Variants in PDE3A observed in about 807,000 individuals in gnomAD.
PDE3A encodes phosphodiesterase 3A, also known as cGMP-inhibited 3',5'-cyclic phosphodiesterase 3A.
Under a neutral mutation model 98.3 loss-of-function variants are expected in PDE3A, and 43 were observed. The observed-to-expected ratio is 0.44, with a 90% confidence interval of 0.34 to 0.56. PDE3A has a LOEUF of 0.56. PDE3A is among the 20% of genes least tolerant of loss of function. The probability of loss-of-function intolerance (pLI) is 0.01; values close to 1 mark genes in which losing one functional copy is unlikely to be tolerated. For synonymous variants in PDE3A, 663 were observed against 567.9 expected (o/e 1.17, Z -2.38); for missense variants, 1,427 against 1,440.7 (o/e 0.99, Z 0.15).
chr12:20,643,914 A>T (rs1034228545), intron 10 of PDE3A, among the ~76,000 whole-genome samples: 1 of 151,730 alleles, frequency 6.6e-6, no homozygotes, highest in Non-Finnish European at 1.5e-5. Context: ...GCTCAAAAGG[A>T]TTAGAGCTCA....
chr12:20,685,990 A>C lies in PDE3A; in HGVS notation c.*5719A>C, dbSNP rs2120529225. On this transcript the variant is annotated 3_prime_UTR_variant, in exon 16 of 16. Coordinates refer to ENST00000359062, the MANE Select transcript of PDE3A (RefSeq NM_000921.5). ...TTTAATTTTTTAATTTTTAACTTAAAATGAAACCCACAAAATGACATTCCG... is the reference window on the plus strand; with the variant it reads ...TTTAATTTTTTAATTTTTAACTTAACATGAAACCCACAAAATGACATTCCG... Among the ~76,000 whole-genome samples the C allele has an allele frequency of 6.6e-6, 1 of 152,280 alleles. No homozygotes were observed. The highest frequency in any genetic ancestry group is 1.5e-5 in the Non-Finnish European group (1 of 68,008).
chr12:20,412,505 T>C (rs1470542146), intron 1 of PDE3A, among the ~76,000 whole-genome samples: 3 of 152,128 alleles, frequency 2.0e-5, no homozygotes, highest in African/African-American at 7.2e-5. Context: ...AGTTAATGTA[T>C]CCATAGGCAA....
At chr12:20,370,924 G>A (rs1044407760) in intron 1 of PDE3A, among the ~76,000 whole-genome samples, 3 of 152,204 alleles carry the variant, frequency 2.0e-5, no homozygotes, top group Non-Finnish European at 4.4e-5. Flanking sequence ...GGAATAATAT[G>A]TCTGAACTTT....
intron 1 of PDE3A, among the ~76,000 whole-genome samples, chr12:20,457,082 A>AAAAC (rs148910225): frequency 6.6e-6 from 1 of 151,662 alleles, no homozygotes; most frequent in Non-Finnish European, 1.5e-5. Flanking sequence ...AAAACCACAT[A>AAAAC]AAACAAACAA....
At chr12:20,520,616 T>A (rs1946403310) in intron 1 of PDE3A, among the ~76,000 whole-genome samples, 1 of 152,236 alleles carries the variant, frequency 6.6e-6, no homozygotes, top group Non-Finnish European at 1.5e-5. Context: ...TTTTACTGTA[T>A]GCTTATGAAA....
At chr12:20,443,722 A>G (rs909939922) in intron 1 of PDE3A, among the ~76,000 whole-genome samples, 1 of 152,078 alleles carries the variant, frequency 6.6e-6, no homozygotes, top group African/African-American at 2.4e-5. Flanking sequence ...ATCATAAAAA[A>G]CCCTACTTCC....
At chr12:20,578,537 AT>A (rs1162415539) in intron 2 of PDE3A, among the ~76,000 whole-genome samples, 2 of 152,040 alleles carry the variant, frequency 1.3e-5, no homozygotes, top group African/African-American at 4.8e-5. Context: ...CAGGTGGAAA[AT>A]AGGATCATCA....
At chr12:20,376,853 G>T (rs1195170845) in intron 1 of PDE3A, among the ~76,000 whole-genome samples, 1 of 151,762 alleles carries the variant, frequency 6.6e-6, no homozygotes, top group Non-Finnish European at 1.5e-5. Flanking sequence ...AAGATGGAAA[G>T]CTATTTGAGA....
intron 2 of PDE3A, among the ~76,000 whole-genome samples, chr12:20,557,802 G>T (rs1217181433): frequency 6.6e-6 from 1 of 152,030 alleles, no homozygotes; most frequent in Admixed American, 6.6e-5. Context: ...TCATCTAAAA[G>T]AATTTATGCC....
chr12:20,501,028 A>G lies in PDE3A; in HGVS notation c.961-55632A>G, dbSNP rs574444978. Among the ~76,000 whole-genome samples, 8 of 152,278 alleles carry G rather than the reference A, an allele frequency of 5.3e-5. No homozygotes were observed. In the South Asian group the frequency reaches 1.7e-3, roughly 32 times the overall value. On this transcript the variant is annotated intron_variant, in intron 1 of 15. Coordinates refer to ENST00000359062, the MANE Select transcript of PDE3A (RefSeq NM_000921.5). ...AGCAATCTGCCCACCTCGGTCTCCCAAAGTGCTAGAATTATAGGCATGAGC... is the reference window on the plus strand; with the variant it reads ...AGCAATCTGCCCACCTCGGTCTCCCGAAGTGCTAGAATTATAGGCATGAGC...
chr12:20,392,104 AT>A (rs1943927903), intron 1 of PDE3A, among the ~76,000 whole-genome samples: 1 of 151,890 alleles, frequency 6.6e-6, no homozygotes, highest in African/African-American at 2.4e-5. Context: ...ATAGATGTAT[AT>A]TTTGTTTGTA....
At chr12:20,580,850 A>C (rs1461558652) in intron 2 of PDE3A, among the ~76,000 whole-genome samples, 1 of 152,216 alleles carries the variant, frequency 6.6e-6, no homozygotes, top group Non-Finnish European at 1.5e-5. Context: ...AGCGTTTCCT[A>C]GAAGTGACAG....
At chr12:20,481,764 A>ATT (rs10657239) in intron 1 of PDE3A, among the ~76,000 whole-genome samples, 3,078 of 79,384 alleles carry the variant, frequency 0.039, 406 homozygotes, top group Non-Finnish European at 0.053. Context: ...TGGGAAATAG[A>ATT]TTTTTTTTTT....
At chr12:20,533,543 G>A (rs565371328) in intron 1 of PDE3A, among the ~76,000 whole-genome samples, 4 of 149,136 alleles carry the variant, frequency 2.7e-5, no homozygotes, top group Admixed American at 2.0e-4. Context: ...GTGCAGTGGC[G>A]CCATTTCGGC....
At chr12:20,558,855 A>T (rs2121277762) in intron 2 of PDE3A, among the ~76,000 whole-genome samples, 1 of 152,202 alleles carries the variant, frequency 6.6e-6, no homozygotes, top group Non-Finnish European at 1.5e-5. Context: ...ACCTCTTAAT[A>T]GTTTACTCCA....
chr12:20,646,939 A>G lies in PDE3A; in HGVS notation c.2554A>G (p.Ser852Gly). ...GRTNAFLVAT[S>G]APQAVLYNDR... ...GACTAATGCTTTCCTGGTTGCAACT[A>G]GTGCTCCTCAGGTAAATCTTTAGAT... The change falls in exon 12 of 16, where the codon AGT becomes GGT. Residue 852 changes from serine (S) to glycine (G), a missense_variant. By Grantham distance (56) the Ser-to-Gly change is moderately conservative. Transcript: ENST00000359062. 2 of 1,610,734 alleles carry G rather than the reference A, an allele frequency of 1.2e-6. No homozygotes were observed. The highest frequency in any genetic ancestry group is 1.7e-6 in the Non-Finnish European group (2 of 1,176,956).
At chr12:20,615,674 T>C (rs1369100519) in intron 3 of PDE3A, among the ~76,000 whole-genome samples, 1 of 152,146 alleles carries the variant, frequency 6.6e-6, no homozygotes, top group Non-Finnish European at 1.5e-5. Context: ...ACTCCTATAA[T>C]CACATATTTG....
Position 20,524,113 on chromosome 12 carries a change from C to G in PDE3A, c.961-32547C>G, listed in dbSNP as rs189684826. Among the ~76,000 whole-genome samples the G allele has an allele frequency of 3.2e-4, 49 of 152,222 alleles. 1 individual carries two copies. Among genetic ancestry groups the G allele is most frequent in the Middle Eastern group, 3.4e-3 (1 of 294 alleles). ...AACTACCATCACGGCCCCAGGGGAA[C>G]AGCTTAAGAAAGGGATAGGAGGAAT... On this transcript the variant is annotated intron_variant, in intron 1 of 15. Transcript: ENST00000359062.
intron 1 of PDE3A, among the ~76,000 whole-genome samples, chr12:20,514,964 G>T (rs1280540821): frequency 2.0e-5 from 3 of 152,174 alleles, no homozygotes; most frequent in Non-Finnish European, 4.4e-5. Flanking sequence ...AAGCTAGAAA[G>T]TTCAAGATTA....
Sources: allele counts gnomAD v4.1 joint callset (sites outside exome capture counted in the v4.1 genomes callset), GRCh38; gene constraint gnomAD v4.1.1; transcripts MANE v1.5; gene names NCBI Gene and HGNC (gene_info 2026-07-23, HGNC 2026-07-21).